The following FAM107B variants were observed in gnomAD, a reference collection of about 807,000 sequenced individuals.
FAM107B encodes protein FAM107B.
FAM107B carries 21 observed loss-of-function variants against 31.5 expected under a neutral mutation model. The ratio of observed to expected loss-of-function variants is 0.67; its 90% confidence interval spans 0.47 to 0.96. The LOEUF (loss-of-function observed/expected upper bound fraction) is 0.96. FAM107B is among the 40% of genes least tolerant of loss of function. FAM107B has a pLI of 0.00. For synonymous variants in FAM107B, 157 were observed against 141.5 expected (o/e 1.11, Z -0.78); for missense variants, 452 against 377.1 (o/e 1.20, Z -1.64).
At chr10:14,617,151 C>T (rs1197559153) in intron 2 of FAM107B, among the ~76,000 whole-genome samples, 2 of 151,836 alleles carry the variant, frequency 1.3e-5, no homozygotes, top group Non-Finnish European at 2.9e-5. Flanking sequence ...AGGAAATTAA[C>T]TGACTCGGGA....
At chr10:14,730,204 A>C (rs752705733) in intron 1 of FAM107B, among the ~76,000 whole-genome samples, 1 of 152,224 alleles carries the variant, frequency 6.6e-6, no homozygotes. Context: ...TTTAAGTAAA[A>C]TAAATTTTAA....
intron 1 of FAM107B, among the ~76,000 whole-genome samples, chr10:14,721,595 A>G (rs1032838653): frequency 2.6e-5 from 4 of 152,214 alleles, no homozygotes; most frequent in Non-Finnish European, 2.9e-5. Context: ...TCTGATGGCC[A>G]GTGATGATGA....
At chr10:14,591,938 C>T (rs984132472) in intron 2 of FAM107B, among the ~76,000 whole-genome samples, 7 of 150,658 alleles carry the variant, frequency 4.6e-5, no homozygotes, top group African/African-American at 1.7e-4. Flanking sequence ...AAGTCAATAG[C>T]ATGGGGGGAA....
intron 2 of FAM107B, among the ~76,000 whole-genome samples, chr10:14,550,988 T>C (rs1423675499): frequency 6.6e-6 from 1 of 152,210 alleles, no homozygotes; most frequent in East Asian, 1.9e-4. Flanking sequence ...CTACTTCCTT[T>C]ATGCCTTAAA....
chr10:14,739,520 C>T (rs1856386543), intron 1 of FAM107B, among the ~76,000 whole-genome samples: 1 of 152,162 alleles, frequency 6.6e-6, no homozygotes, highest in Admixed American at 6.5e-5. Flanking sequence ...AGCTCTCCAT[C>T]CATGGGATTT....
chr10:14,625,533 G>C (rs965071635), intron 2 of FAM107B, among the ~76,000 whole-genome samples: 4 of 152,282 alleles, frequency 2.6e-5, no homozygotes, highest in African/African-American at 7.2e-5. Context: ...CATAAGAACA[G>C]GGAAACAGGA....
chr10:14,668,863 G>A (rs1353796673), intron 1 of FAM107B, among the ~76,000 whole-genome samples: 1 of 152,130 alleles, frequency 6.6e-6, no homozygotes, highest in African/African-American at 2.4e-5. Context: ...CCCAATAGAA[G>A]ATATGCTAGA....
rs1440609298 is a variant in FAM107B at position 14,767,055 on chromosome 10, T to TATATAGAG, written c.411+7197_411+7198insCTCTATAT. 1.5e-3 allele frequency among the ~76,000 whole-genome samples: 27 copies of TATATAGAG among 18,276 alleles called. 1 individual carries two copies. Among genetic ancestry groups the TATATAGAG allele is most frequent in the Admixed American group, 2.6e-3 (3 of 1,136 alleles). 12.0% of individuals were successfully genotyped at this position (18,276 alleles called of 152,430 possible). On this transcript the variant is annotated intron_variant, in intron 1 of 4. Transcript: ENST00000181796. ...ATATATATATATATATATATATATA[T>TATATAGAG]AGAGAGAGAGAGAGAGAGAGAGAGA... is the stretch of plus-strand genomic sequence containing the variant.
intron 1 of FAM107B, among the ~76,000 whole-genome samples, chr10:14,738,862 C>G (rs1856370574): frequency 6.6e-6 from 1 of 152,154 alleles, no homozygotes; most frequent in Admixed American, 6.5e-5. Flanking sequence ...AAGCAACCCC[C>G]AAACCAGCAG....
chr10:14,593,085 G>A (rs1018544988), intron 2 of FAM107B, among the ~76,000 whole-genome samples: 1 of 151,890 alleles, frequency 6.6e-6, no homozygotes, highest in Non-Finnish European at 1.5e-5. Context: ...ACTTCCCTGG[G>A]GTCCTACCCA....
chr10:14,556,493 CGA>C (rs1002085909), intron 2 of FAM107B: 3 of 860,712 alleles, frequency 3.5e-6, no homozygotes, highest in African/African-American at 1.8e-5. Flanking sequence ...CCCGACCTAA[CGA>C]GAGCTCAGCT....
At chr10:14,622,414 C>G (rs1291887986) in intron 2 of FAM107B, among the ~76,000 whole-genome samples, 1 of 150,318 alleles carries the variant, frequency 6.7e-6, no homozygotes. Flanking sequence ...TTCAGAGATT[C>G]TCCTGCCTCA....
chr10:14,712,269 A>G (rs1564633589), intron 1 of FAM107B, among the ~76,000 whole-genome samples: 2 of 152,134 alleles, frequency 1.3e-5, no homozygotes, highest in Admixed American at 6.5e-5. Context: ...TATACTCACA[A>G]AAATTAAAAA....
rs1322803117 is a variant in FAM107B, at chr10:14,519,227, G to A, written c.*1963C>T. ...GAACAGAAATGGTCCTTCTAAAGGA[G>A]CCTACCAGGGCCCCTGTGAATACGA... On this transcript the variant is annotated 3_prime_UTR_variant, in exon 5 of 5. Transcript: ENST00000181796. 6.6e-6 allele frequency: 1 copy of A among 151,784 alleles called. No homozygotes were observed. Among genetic ancestry groups the A allele is most frequent in the Non-Finnish European group, 1.5e-5 (1 of 67,960 alleles). The allele number at this position is 151,784 out of a possible 1,614,324, so 9.4% of individuals were successfully genotyped here.
intron 1 of FAM107B, among the ~76,000 whole-genome samples, chr10:14,701,028 C>T (rs540474898): frequency 1.2e-3 from 179 of 152,126 alleles, no homozygotes; most frequent in Non-Finnish European, 2.1e-3. Context: ...TTGGAAAACA[C>T]TCTCTCCACC....
chr10:14,690,889 G>T (rs1449750768), intron 1 of FAM107B, among the ~76,000 whole-genome samples: 1 of 152,006 alleles, frequency 6.6e-6, no homozygotes, highest in Non-Finnish European at 1.5e-5. Flanking sequence ...TATGATGGTA[G>T]TGATGATGTC....
intron 1 of FAM107B, among the ~76,000 whole-genome samples, chr10:14,679,878 G>C (rs1029435202): frequency 3.3e-5 from 5 of 152,076 alleles, no homozygotes; most frequent in African/African-American, 1.2e-4. Flanking sequence ...TCAGTCTTCC[G>C]GCCTCCATCT....
intron 1 of FAM107B, among the ~76,000 whole-genome samples, chr10:14,722,996 G>C (rs148800768): frequency 6.6e-6 from 1 of 152,188 alleles, no homozygotes; most frequent in African/African-American, 2.4e-5. Flanking sequence ...TTGGTATACA[G>C]TGTGAGGTAG....
chr10:14,627,982 G>C (rs547539395), intron 2 of FAM107B, among the ~76,000 whole-genome samples: 11 of 152,180 alleles, frequency 7.2e-5, no homozygotes, highest in Admixed American at 2.0e-4. Flanking sequence ...CAGACTTGGA[G>C]TCCATGGTTG....
Sources: allele counts gnomAD v4.1 joint callset (sites outside exome capture counted in the v4.1 genomes callset), GRCh38; gene constraint gnomAD v4.1.1; transcripts MANE v1.5; gene names NCBI Gene and HGNC (gene_info 2026-07-23, HGNC 2026-07-21).